The following PPY variants were observed in gnomAD, a reference collection of about 807,000 sequenced individuals.
The protein encoded by PPY is pancreatic polypeptide prohormone.
In PPY, 6 loss-of-function variants were observed where a neutral mutation model predicts 9.3. The ratio of observed to expected loss-of-function variants is 0.64; its 90% CI spans 0.35 to 1.27. The LOEUF is 1.27. Among genes scored for constraint, PPY ranks in the 50% most tolerant of loss-of-function variants. The pLI, the probability that PPY is intolerant of heterozygous loss-of-function variation, is 0.03. For synonymous variants in PPY, 58 were observed against 54.6 expected (o/e 1.06, Z -0.27); for missense variants, 109 against 119.1 (o/e 0.91, Z 0.40).
At chr17:43,944,087 C>T (rs1183409851), upstream of PPY, among the ~76,000 whole-genome samples, 1 of 152,224 alleles carries the variant, frequency 6.6e-6, no homozygotes, top group Non-Finnish European at 1.5e-5. Flanking sequence ...TTTCCACTTG[C>T]AAAACAAGGG....
chr17:43,941,108 G>A (rs1341150048), intron 3 of PPY, 35 bp downstream of exon 3: 5 of 1,550,236 alleles, frequency 3.2e-6, no homozygotes, highest in Non-Finnish European at 4.4e-6. Flanking sequence ...TCAGCTCCAG[G>A]GAGCTGGACA....
In PPY at chr17:43,941,529, T is replaced by G. The variant is rs146897758; in HGVS notation, c.126A>C (p.Thr42=). 1.5e-5 allele frequency: 25 copies of G among 1,613,916 alleles called. No homozygotes were observed. In the African/African-American group the frequency reaches 3.2e-4, roughly 21 times the overall value. Residue 42 remains threonine, a synonymous_variant, in exon 2 of 4, where the codon ACA becomes ACC. Coordinates refer to ENST00000225992, the MANE Select transcript of PPY (RefSeq NM_002722.5). ...CTGCATACTGGGCCATCTGCTCTGG[T>G]GTGGCATTGTCCCCTGGGTACACTG... The part of the protein sequence containing the change: ...LEPVYPGDNA[T]PEQMAQYAAD...
At position 43,940,813 on chromosome 17, in the gene PPY, C is replaced by T; in HGVS notation, c.*115G>A. The T allele has an allele frequency of 7.0e-7, 1 of 1,428,010 alleles. No individual in the cohort carries two copies. The highest frequency in any genetic ancestry group is 1.2e-5 in the South Asian group (1 of 80,012). 88.5% of individuals were successfully genotyped at this position (1,428,010 alleles called of 1,614,324 possible). ...GACACAGGACAGGCTGTGGCTTTGA[C>T]TTGCTTTATTGAGCCTGTGTGGGAG... is the stretch of plus-strand genomic sequence containing the variant. On this transcript the variant is annotated 3_prime_UTR_variant, in exon 4 of 4. Coordinates refer to ENST00000225992, the MANE Select transcript of PPY (RefSeq NM_002722.5).
rs370042899 is a variant in PPY, at chr17:43,941,494, C to T, written c.161G>A (p.Arg54His). The T allele has an allele frequency of 1.7e-5, 27 of 1,613,902 alleles. No homozygotes were observed. Among genetic ancestry groups the T allele is most frequent in the Middle Eastern group, 1.7e-4 (1 of 5,966 alleles). The change falls in exon 2 of 4, where the codon CGT becomes CAT. Residue 54 changes from arginine (R) to histidine (H), a missense_variant. Physicochemically the swap from Arg to His is conservative, Grantham distance 29. Transcript: ENST00000225992. ...EQMAQYAADL[R>H]RYINMLTRPR... The stretch of plus-strand genomic sequence containing the variant: ...CCTGGTCAGCATGTTGATGTATCTA[C>T]GGAGATCAGCTGCATACTGGGCCAT...
upstream of PPY, among the ~76,000 whole-genome samples, chr17:43,944,055 G>T (rs1467406142): frequency 6.6e-6 from 1 of 152,212 alleles, no homozygotes; most frequent in African/African-American, 2.4e-5. Context: ...CAGCAAGCCC[G>T]GGCCTTTCTC....
At position 43,942,289 on chromosome 17, in the gene PPY, G is replaced by A. The variant is rs1400615988; in HGVS notation, c.-1+132C>T. 1.3e-5 allele frequency: 2 copies of A among 153,240 alleles called. No individual in the cohort carries two copies. The highest frequency in any genetic ancestry group is 6.4e-5 in the Admixed American group (1 of 15,516). 9.5% of individuals were successfully genotyped at this position (153,240 alleles called of 1,614,324 possible). ...TCTAGCGTGACAGGTCTGTCCAGAT[G>A]CAGAAAGCAAGACCCAAGCAGGACC... On this transcript the variant is annotated intron_variant, in intron 1 of 3. Coordinates refer to ENST00000225992, the MANE Select transcript of PPY (RefSeq NM_002722.5). The surrounding 1 kb of genome is among the most constrained non-coding windows in gnomAD (Gnocchi z 5.3).
intron 2 of PPY, 98 bp from the exon 3 acceptor site, chr17:43,941,312 G>T (rs1320869590): frequency 9.3e-6 from 14 of 1,502,380 alleles, no homozygotes; most frequent in Non-Finnish European, 1.3e-5. Flanking sequence ...AGGGCACATT[G>T]GTCTAGGCCT....
Position 43,940,893 on chromosome 17 carries a change from G to A in PPY, c.*35C>T, listed in dbSNP as rs373710345. ...GTGCAGAGGGGAGAGCTGGGCTGGC[G>A]CTGCTCATGGAGTCGTAGGAGACAG... On this transcript the variant is annotated 3_prime_UTR_variant, in exon 4 of 4. Transcript: ENST00000225992. 26 of 1,595,564 alleles carry A rather than the reference G, an allele frequency of 1.6e-5. No individual in the cohort carries two copies. Among genetic ancestry groups the A allele is most frequent in the African/African-American group, 2.7e-5 (2 of 74,802 alleles).
rs867281185 is a variant in PPY at position 43,941,588 on chromosome 17, G to A, written c.67C>T (p.Pro23Ser). 2 of 1,613,796 alleles carry A rather than the reference G, an allele frequency of 1.2e-6. No individual in the cohort carries two copies. The highest frequency in any genetic ancestry group is 8.5e-7 in the Non-Finnish European group (1 of 1,180,008). Residue 23 changes from proline (P) to serine (S), a missense_variant, in exon 2 of 4, where the codon CCA becomes TCA. Pro to Ser is a moderately conservative substitution (Grantham distance 74, BLOSUM62 -1). Coordinates refer to ENST00000225992, the MANE Select transcript of PPY (RefSeq NM_002722.5). The stretch of plus-strand genomic sequence containing the variant: ...GGGGCTCCCTGGGCACCCAGCAGTG[G>A]CTGTAGTAACAGAGCCACGCAGGTG... ...LSTCVALLLQ[P>S]LLGAQGAPLE...
In PPY at chr17:43,941,209, C is replaced by G. The variant is rs1597836430; in HGVS notation, c.197G>C (p.Gly66Ala). 1 of 1,551,622 alleles carries G rather than the reference C, an allele frequency of 6.4e-7. No homozygotes were observed. ...YINMLTRPRY[G>A]KRHKEDTLAF... ...CAGCGTGTCCTCTTTGTGTCTTTTC[C>G]CATACCTGGGAGGGAAGAGGCAGCA... Residue 66 changes from glycine (G) to alanine (A), a missense_variant, in exon 3 of 4, where the codon GGG (glycine) becomes GCG (alanine). Transcript: ENST00000225992.
rs1454920961 is a variant in PPY at position 43,941,218 on chromosome 17, G to A, written c.192-4C>T. On this transcript the variant is annotated splice_region_variant and splice_polypyrimidine_tract_variant and intron_variant, in intron 2 of 3. Coordinates refer to ENST00000225992, the MANE Select transcript of PPY (RefSeq NM_002722.5). The stretch of plus-strand genomic sequence containing the variant: ...CTCTTTGTGTCTTTTCCCATACCTG[G>A]GAGGGAAGAGGCAGCAGGGGCAAGC... 2 of 1,551,534 alleles carry A rather than the reference G, an allele frequency of 1.3e-6. No individual in the cohort carries two copies. Among genetic ancestry groups the A allele is most frequent in the South Asian group, 2.4e-5 (2 of 84,060 alleles).
rs536453323 is a variant in PPY, at chr17:43,942,175, CCA to C, written c.-1+244_-1+245del. 120 of 172,316 alleles carry C rather than the reference CCA, an allele frequency of 7.0e-4. No individual in the cohort carries two copies. The highest frequency in any genetic ancestry group is 7.6e-4 in the Non-Finnish European group (60 of 78,696). 10.7% of individuals were successfully genotyped at this position (172,316 alleles called of 1,614,324 possible). ...CAGCAAAGGCACTCACACAGGGACCCCAGTCACTCACAAGGTCACAGTCACAC... is the reference window on the plus strand; with the variant it reads ...CAGCAAAGGCACTCACACAGGGACCCGTCACTCACAAGGTCACAGTCACAC... On this transcript the variant is annotated intron_variant, in intron 1 of 3. Transcript: ENST00000225992. The surrounding 1 kb of genome is among the most constrained non-coding windows in gnomAD (Gnocchi z 5.3).
At position 43,941,384 on chromosome 17, in the gene PPY, G is replaced by A. The variant is rs1441457735; in HGVS notation, c.191+80C>T. On this transcript the variant is annotated intron_variant, in intron 2 of 3. Transcript: ENST00000225992. ...CTGGAAGGGGCTGGGGCTGGGGCTG[G>A]GGATAGGGTGTGGCCAGGAATGTGG... 3.1e-6 allele frequency: 5 copies of A among 1,591,376 alleles called. No homozygotes were observed. In the Admixed American group the frequency reaches 8.4e-5, roughly 27 times the overall value.
chr17:43,944,099 G>A (rs755066478), upstream of PPY, among the ~76,000 whole-genome samples: 2 of 152,250 alleles, frequency 1.3e-5, no homozygotes, highest in Non-Finnish European at 2.9e-5. Flanking sequence ...AAACAAGGGT[G>A]TGAATTGGTG....
chr17:43,943,003 A>G (rs1031673640), upstream of PPY, among the ~76,000 whole-genome samples: 3 of 152,150 alleles, frequency 2.0e-5, no homozygotes, highest in African/African-American at 7.2e-5. Flanking sequence ...TCAGGTCCTC[A>G]GGCAAGGTGG....
chr17:43,942,099 C>T lies in PPY; in HGVS notation c.-1+322G>A. 1 of 226,416 alleles carries T rather than the reference C, an allele frequency of 4.4e-6. No individual in the cohort carries two copies. Among genetic ancestry groups the T allele is most frequent in the Non-Finnish European group, 8.9e-6 (1 of 111,790 alleles). 14.0% of individuals were successfully genotyped at this position (226,416 alleles called of 1,614,324 possible). A position where few individuals can be genotyped will look rare whatever the true frequency, so the allele number is the denominator to read the frequency against. ...GGCCCTCCACCCTGCGATAGAGACACAGATATCGGTCCTGGAGAAGACGCT... is the reference window on the plus strand; with the variant it reads ...GGCCCTCCACCCTGCGATAGAGACATAGATATCGGTCCTGGAGAAGACGCT... On this transcript the variant is annotated intron_variant, in intron 1 of 3. Coordinates refer to ENST00000225992, the MANE Select transcript of PPY (RefSeq NM_002722.5). This position sits in a 1 kb window ranked among gnomAD's most constrained non-coding sequence, Gnocchi z 5.3.
chr17:43,942,937 C>T (rs1354059680), upstream of PPY, among the ~76,000 whole-genome samples: 1 of 152,180 alleles, frequency 6.6e-6, no homozygotes, highest in East Asian at 1.9e-4. The surrounding 1 kb of genome is among the most constrained non-coding windows in gnomAD (Gnocchi z 5.3). Context: ...AGAATGGAAA[C>T]TCAGGCCATC....
At chr17:43,943,965 A>G (rs956489950), upstream of PPY, among the ~76,000 whole-genome samples, 1 of 152,222 alleles carries the variant, frequency 6.6e-6, no homozygotes, top group African/African-American at 2.4e-5. Context: ...CTCAATTTTG[A>G]TTTTGGTTAA....
In PPY at chr17:43,941,514, G is replaced by A; in HGVS notation, c.141C>T (p.Ala47=). ...PGDNATPEQM[A]QYAADLRRYI... is the part of the protein sequence containing the mutation. ...ATCTACGGAGATCAGCTGCATACTG[G>A]GCCATCTGCTCTGGTGTGGCATTGT... The change falls in exon 2 of 4, where the codon GCC becomes GCT. Residue 47 remains alanine (A), a synonymous_variant. Transcript: ENST00000225992. 6.2e-7 allele frequency: 1 copy of A among 1,614,040 alleles called. No individual in the cohort carries two copies. Among genetic ancestry groups the A allele is most frequent in the Non-Finnish European group, 8.5e-7 (1 of 1,180,004 alleles).
Sources: gnomAD v4.1 joint callset for allele counts (sites outside exome capture counted in the v4.1 genomes callset) on GRCh38, gnomAD v4.1.1 for gene constraint, Gnocchi (gnomAD v3.1) non-coding constraint, MANE v1.5 for transcripts, NCBI Gene and HGNC (gene_info 2026-07-23, HGNC 2026-07-21) for gene names.